The following ARHGAP6 variants were observed in gnomAD, a reference collection of about 807,000 sequenced individuals.
The protein encoded by ARHGAP6 is rho GTPase-activating protein 6.
A neutral mutation model predicts 55.7 loss-of-function variants in ARHGAP6; 16 were observed. The observed-to-expected ratio is 0.29, with a 90% confidence interval of 0.19 to 0.44. The LOEUF is 0.44. Among genes scored for constraint, ARHGAP6 ranks in the 20% least tolerant of loss-of-function variants. The pLI, the probability that ARHGAP6 is intolerant of heterozygous loss-of-function variation, is 1.00. For missense variants in ARHGAP6, 698 were observed against 808.9 expected (o/e 0.86, Z 1.66); for synonymous variants, 382 against 360.9 (o/e 1.06, Z -0.66).
chrX:11,433,571 C>T (rs2049960358), intron 1 of ARHGAP6, among the ~76,000 whole-genome samples: 1 of 112,464 alleles, frequency 8.9e-6, no homozygotes, highest in African/African-American at 3.2e-5. Context: ...TCATTTATAT[C>T]CATAATCTAA....
chrX:11,558,142 C>T (rs747581723), intron 1 of ARHGAP6, among the ~76,000 whole-genome samples: 30 of 111,847 alleles, frequency 2.7e-4, no homozygotes, highest in South Asian at 7.5e-4. Flanking sequence ...CTGACCATCA[C>T]GATACTTAGA....
intron 1 of ARHGAP6, among the ~76,000 whole-genome samples, chrX:11,625,020 G>A (rs1212631686): frequency 1.8e-5 from 2 of 111,949 alleles, no homozygotes; most frequent in African/African-American, 6.5e-5. Context: ...AAATGCGGAT[G>A]GAATGTGGAG....
At chrX:11,654,824 A>G (rs142637917) in intron 1 of ARHGAP6, among the ~76,000 whole-genome samples, 20 of 112,241 alleles carry the variant, frequency 1.8e-4, no homozygotes, top group African/African-American at 6.5e-4. Flanking sequence ...CTACATTTAT[A>G]TTTATGTTTT....
chrX:11,227,453 C>G (rs1171584045), intron 2 of ARHGAP6, among the ~76,000 whole-genome samples: 3 of 111,620 alleles, frequency 2.7e-5, no homozygotes, highest in African/African-American at 9.8e-5. Context: ...AGTTCAAGAC[C>G]TCATTCTTCC....
chrX:11,174,637 T>TTCTTTCTCTTTCTTTTCTG (rs2046170131), intron 8 of ARHGAP6, among the ~76,000 whole-genome samples: 1 of 67,061 alleles, frequency 1.5e-5, no homozygotes, highest in African/African-American at 6.6e-5. Flanking sequence ...CTTTCTTTCT[T>TTCTTTCTCTTTCTTTTCTG]TCTTTCTTTC....
chrX:11,537,140 A>G (rs1437043363), intron 1 of ARHGAP6, among the ~76,000 whole-genome samples: 2 of 112,483 alleles, frequency 1.8e-5, no homozygotes, highest in Non-Finnish European at 3.8e-5. Flanking sequence ...GCCTATTTAC[A>G]ATTAGGAATG....
chrX:11,518,136 T>A (rs1407712290), intron 1 of ARHGAP6, among the ~76,000 whole-genome samples: 1 of 110,554 alleles, frequency 9.0e-6, no homozygotes, highest in African/African-American at 3.3e-5. Context: ...GTCTTCAATT[T>A]TCTTTTCTTT....
intron 1 of ARHGAP6, among the ~76,000 whole-genome samples, chrX:11,364,845 T>C (rs2049055569): frequency 9.0e-6 from 1 of 111,234 alleles, no homozygotes; most frequent in Admixed American, 9.6e-5. Context: ...ACTAGCTTAC[T>C]TTTCTGCCAT....
chrX:11,387,664 T>C (rs1474758759), intron 1 of ARHGAP6, among the ~76,000 whole-genome samples: 1 of 111,442 alleles, frequency 9.0e-6, no homozygotes. Context: ...TAACTAGTCA[T>C]TTAACATTAG....
chrX:11,614,842 C>T (rs763941443), intron 1 of ARHGAP6, among the ~76,000 whole-genome samples: 2 of 111,261 alleles, frequency 1.8e-5, no homozygotes, highest in Non-Finnish European at 3.8e-5. Flanking sequence ...ACAACACAAA[C>T]AGATAAATAG....
intron 1 of ARHGAP6, among the ~76,000 whole-genome samples, chrX:11,333,331 T>G (rs1376734637): frequency 3.6e-5 from 4 of 111,643 alleles, no homozygotes; most frequent in Non-Finnish European, 5.6e-5. Flanking sequence ...CGAGATCTGA[T>G]GGTTTTATAA....
chrX:11,310,486 C>T (rs1038061687), intron 1 of ARHGAP6, among the ~76,000 whole-genome samples: 1 of 111,443 alleles, frequency 9.0e-6, no homozygotes, highest in Non-Finnish European at 1.9e-5. Context: ...CATATCCCTA[C>T]AATAGAATAT....
Position 11,454,110 on chromosome X carries a change from ATTTTT to A in ARHGAP6, c.589-199408_589-199404del, listed in dbSNP as rs1187605203. Among the ~76,000 whole-genome samples the A allele has an allele frequency of 4.1e-3, 316 of 76,807 alleles. 1 individual carries two copies. Among genetic ancestry groups the A allele is most frequent in the South Asian group, 0.012 (17 of 1,466 alleles). 66.7% of individuals were successfully genotyped at this position (76,807 alleles called of 115,157 possible). On this transcript the variant is annotated intron_variant, in intron 1 of 12. Transcript: ENST00000337414. ...AGGCTCCTGCCACCACGCACGGCTA[ATTTTT>A]TTTTTTTTTTTTTTTTTTGTATTTT...
At chrX:11,594,467 C>G (rs944328696) in intron 1 of ARHGAP6, among the ~76,000 whole-genome samples, 5 of 111,673 alleles carry the variant, frequency 4.5e-5, no homozygotes, top group African/African-American at 1.6e-4. Flanking sequence ...GTCATCAGCT[C>G]CCCCATCACA....
At chrX:11,275,895 C>T (rs147029171) in intron 1 of ARHGAP6, among the ~76,000 whole-genome samples, 80 of 111,628 alleles carry the variant, frequency 7.2e-4, no homozygotes, top group African/African-American at 2.0e-3. Flanking sequence ...CCCTGTCGTC[C>T]CCCTACAGGG....
At chrX:11,402,980 T>G (rs1466099275) in intron 1 of ARHGAP6, among the ~76,000 whole-genome samples, 1 of 112,287 alleles carries the variant, frequency 8.9e-6, no homozygotes, top group Non-Finnish European at 1.9e-5. Context: ...GCTTACTGCC[T>G]TCATCTTCTT....
intron 5 of ARHGAP6, among the ~76,000 whole-genome samples, chrX:11,182,635 CTTT>C (rs1043810466): frequency 3.1e-4 from 26 of 83,129 alleles, no homozygotes; most frequent in African/African-American, 1.2e-3. Context: ...TTCCTTTTTT[CTTT>C]TTTTTTTTTT....
At chrX:11,566,486 T>C (rs1403333108) in intron 1 of ARHGAP6, among the ~76,000 whole-genome samples, 1 of 112,102 alleles carries the variant, frequency 8.9e-6, no homozygotes, top group Admixed American at 9.4e-5. Flanking sequence ...TTTGTAGAAT[T>C]GCTGATCACA....
chrX:11,270,789 T>C (rs1302210118), intron 1 of ARHGAP6, among the ~76,000 whole-genome samples: 1 of 112,025 alleles, frequency 8.9e-6, no homozygotes, highest in African/African-American at 3.2e-5. Flanking sequence ...AATTCTTTCT[T>C]TATGAGAGTC....
Sources: allele counts gnomAD v4.1 joint callset (sites outside exome capture counted in the v4.1 genomes callset), GRCh38; gene constraint gnomAD v4.1.1; transcripts MANE v1.5; gene names NCBI Gene and HGNC (gene_info 2026-07-23, HGNC 2026-07-21).